Variants in PTPRT observed in about 807,000 individuals in gnomAD.
PTPRT encodes the protein receptor-type tyrosine-protein phosphatase T.
Under a neutral mutation model 176.8 loss-of-function variants are expected in PTPRT, and 56 were observed. The ratio of observed to expected loss-of-function variants is 0.32; its 90% confidence interval spans 0.26 to 0.40. The LOEUF is 0.40. Ranked by LOEUF, PTPRT falls within the 10% of genes least tolerant of loss-of-function variation. PTPRT has a pLI of 1.00. For missense variants in PTPRT, 1,540 were observed against 1,908.2 expected, an observed-to-expected ratio of 0.81 and a Z score of 3.60; for synonymous variants, 783 against 739.0, an observed-to-expected ratio of 1.06 and a Z score of -0.96.
At chr20:42,551,641 C>T (rs2072772731) in intron 7 of PTPRT, among the ~76,000 whole-genome samples, 2 of 152,138 alleles carry the variant, frequency 1.3e-5, no homozygotes, top group African/African-American at 4.8e-5. Context: ...TCTCTAAGTT[C>T]AAATTATGCA....
intron 6 of PTPRT, among the ~76,000 whole-genome samples, chr20:42,728,201 G>A (rs775780250): frequency 2.0e-5 from 3 of 152,172 alleles, no homozygotes; most frequent in African/African-American, 7.2e-5. Context: ...CTCTAAGCCA[G>A]TGCCTCTCAA....
chr20:42,450,234 G>C (rs1786001950), intron 8 of PTPRT, among the ~76,000 whole-genome samples: 1 of 152,220 alleles, frequency 6.6e-6, no homozygotes, highest in Non-Finnish European at 1.5e-5. Context: ...TAGACCTTAA[G>C]ATTAATGCTT....
chr20:42,259,958 A>G (rs1235091164), intron 13 of PTPRT, among the ~76,000 whole-genome samples: 1 of 152,238 alleles, frequency 6.6e-6, no homozygotes, highest in African/African-American at 2.4e-5. Context: ...AGTCCTGGAC[A>G]TTGCCTAACC....
chr20:42,345,570 A>G (rs887147365), intron 11 of PTPRT, among the ~76,000 whole-genome samples: 3 of 117,750 alleles, frequency 2.5e-5, no homozygotes, highest in Non-Finnish European at 5.2e-5. Flanking sequence ...ACATATATAT[A>G]CATACATATA....
chr20:42,314,672 A>T (rs1043090216), intron 12 of PTPRT, among the ~76,000 whole-genome samples: 1 of 152,210 alleles, frequency 6.6e-6, no homozygotes, highest in Non-Finnish European at 1.5e-5. Flanking sequence ...GCACATTTAT[A>T]TAGAGAAGAA....
Position 42,350,749 on chromosome 20 carries a change from G to C in PTPRT, c.1763-19C>G. 2 of 1,568,624 alleles carry C rather than the reference G, an allele frequency of 1.3e-6. No homozygotes were observed. On this transcript the variant is annotated intron_variant, in intron 10 of 30. Coordinates refer to ENST00000373187, the MANE Select transcript of PTPRT (RefSeq NM_007050.6). The stretch of plus-strand genomic sequence containing the variant: ...GATGGAGCTGGACAGGAAACAGAGA[G>C]TGCAGGTGAGTTCAGCACAGATTCC...
intron 12 of PTPRT, among the ~76,000 whole-genome samples, chr20:42,310,446 T>C (rs2057609945): frequency 6.6e-6 from 1 of 152,184 alleles, no homozygotes; most frequent in Non-Finnish European, 1.5e-5. Flanking sequence ...TTTGATTTGT[T>C]CAAACCAATA....
intron 7 of PTPRT, among the ~76,000 whole-genome samples, chr20:42,540,229 G>T (rs1033537185): frequency 6.6e-6 from 1 of 152,150 alleles, no homozygotes; most frequent in African/African-American, 2.4e-5. Flanking sequence ...TGGATGCTGG[G>T]ATGTAATAGA....
intron 2 of PTPRT, among the ~76,000 whole-genome samples, chr20:42,820,307 C>T (rs1450507033): frequency 1.3e-5 from 2 of 152,178 alleles, no homozygotes; most frequent in African/African-American, 2.4e-5. Context: ...ACAACCTGCT[C>T]CTGAATGACT....
chr20:43,018,597 GTC>G (rs1985489003), intron 1 of PTPRT, among the ~76,000 whole-genome samples: 1 of 152,256 alleles, frequency 6.6e-6, no homozygotes, highest in East Asian at 1.9e-4. Context: ...GGAATCTTCA[GTC>G]TATATGATAA....
At chr20:42,234,208 C>T (rs1275470115) in intron 15 of PTPRT, among the ~76,000 whole-genome samples, 1 of 152,224 alleles carries the variant, frequency 6.6e-6, no homozygotes, top group African/African-American at 2.4e-5. Flanking sequence ...ACTAATATTT[C>T]ATGAGTGTCA....
At chr20:42,037,419 A>C in the PTPRT span, among the ~76,000 whole-genome samples, 5 of 151,784 alleles carry the variant, frequency 3.3e-5, no homozygotes, top group East Asian at 1.9e-4. Flanking sequence ...TAACACTTTC[A>C]CCTCCACCAA....
chr20:42,909,309 T>C (rs2079516792), intron 1 of PTPRT, among the ~76,000 whole-genome samples: 1 of 152,194 alleles, frequency 6.6e-6, no homozygotes, highest in Admixed American at 6.5e-5. Flanking sequence ...CCCAGATTTC[T>C]AAAATGCCCT....
At chr20:42,479,294 T>C (rs1222516716) in intron 7 of PTPRT, among the ~76,000 whole-genome samples, 1 of 152,242 alleles carries the variant, frequency 6.6e-6, no homozygotes, top group Admixed American at 6.5e-5. Flanking sequence ...GGGATGGGGC[T>C]GAAAATGTGG....
intron 7 of PTPRT, among the ~76,000 whole-genome samples, chr20:42,565,425 A>G (rs549458262): frequency 6.6e-6 from 1 of 152,232 alleles, no homozygotes; most frequent in South Asian, 2.1e-4. Flanking sequence ...AGGAGATGAC[A>G]GGCAGACACA....
intron 2 of PTPRT, among the ~76,000 whole-genome samples, chr20:42,872,635 A>C (rs556686791): frequency 1.6e-4 from 24 of 152,346 alleles, no homozygotes; most frequent in Non-Finnish European, 2.8e-4. Context: ...TATGTTTAGA[A>C]ATGCCTTCTT....
At chr20:43,188,816 C>G (rs1482347906) in intron 1 of PTPRT, among the ~76,000 whole-genome samples, 1 of 147,302 alleles carries the variant, frequency 6.8e-6, no homozygotes, top group Non-Finnish European at 1.5e-5. Flanking sequence ...AGACCCTGGA[C>G]TGTGGTGCCC....
chr20:42,434,327 T>C (rs1038185313), intron 9 of PTPRT, among the ~76,000 whole-genome samples: 2 of 152,198 alleles, frequency 1.3e-5, no homozygotes, highest in South Asian at 4.1e-4. Flanking sequence ...TTGGAATGCA[T>C]TTTTATTTAT....
intron 7 of PTPRT, among the ~76,000 whole-genome samples, chr20:42,577,846 T>G (rs975638062): frequency 6.6e-6 from 1 of 150,808 alleles, no homozygotes; most frequent in Non-Finnish European, 1.5e-5. Context: ...GCTGTGTGTG[T>G]GTGTGTGTGT....
Sources: allele counts gnomAD v4.1 joint callset (sites outside exome capture counted in the v4.1 genomes callset), GRCh38; gene constraint gnomAD v4.1.1; transcripts MANE v1.5; gene names NCBI Gene and HGNC (gene_info 2026-07-23, HGNC 2026-07-21).